Variants in DCAF7 observed in about 807,000 individuals in gnomAD.
DCAF7 encodes the protein DDB1 and CUL4 associated factor 7.
In DCAF7, 4 loss-of-function variants were observed where a neutral mutation model predicts 41.2. The observed-to-expected ratio is 0.10, with a 90% CI of 0.05 to 0.22. The LOEUF (loss-of-function observed/expected upper bound fraction) is 0.22. DCAF7 is among the 10% of genes least tolerant of loss of function. The pLI, the probability that DCAF7 is intolerant of heterozygous loss-of-function variation, is 1.00. For synonymous variants in DCAF7, 143 were observed against 164.2 expected (o/e 0.87, Z 0.99); for missense variants, 131 against 443.2 (o/e 0.30, Z 6.32).
chr17:63,565,346 G>A (rs1280395814), intron 1 of DCAF7, among the ~76,000 whole-genome samples: 1 of 152,058 alleles, frequency 6.6e-6, no homozygotes, highest in Non-Finnish European at 1.5e-5. Flanking sequence ...AGGCTGAGGT[G>A]GGCGGATCAC....
At chr17:63,578,444 T>C (rs776121945) in intron 1 of DCAF7, 26 bp from the exon 2 acceptor site, 152 of 1,613,724 alleles carry the variant, frequency 9.4e-5, no homozygotes, top group Non-Finnish European at 1.2e-4. Context: ...CAAATGCTTA[T>C]GTGGCTCAAC....
At chr17:63,557,021 G>C (rs9906882) in intron 1 of DCAF7, among the ~76,000 whole-genome samples, 46,932 of 151,916 alleles carry the variant, frequency 0.31, 8,780 homozygotes, top group African/African-American at 0.53. Flanking sequence ...GAGCGAGACC[G>C]CCATCTCAAA....
In DCAF7 at chr17:63,588,094, A is replaced by G. The variant is rs570073275; in HGVS notation, c.857-906A>G. Reference sequence around the variant, plus strand: ...CCATCTTAGTATTGCCATCATTCTCATTTTAATATATTTCCTTCTACTTAT... The same window carrying G: ...CCATCTTAGTATTGCCATCATTCTCGTTTTAATATATTTCCTTCTACTTAT... On this transcript the variant is annotated intron_variant, in intron 6 of 6. Coordinates refer to ENST00000614556, the MANE Select transcript of DCAF7 (RefSeq NM_005828.5). 3.6e-3 allele frequency among the ~76,000 whole-genome samples: 548 copies of G among 151,292 alleles called. 3 individuals carry two copies. Among genetic ancestry groups the G allele is most frequent in the Non-Finnish European group, 5.6e-3 (377 of 67,894 alleles).
intron 1 of DCAF7, among the ~76,000 whole-genome samples, chr17:63,571,532 TG>T (rs929771429): frequency 4.7e-5 from 7 of 150,288 alleles, no homozygotes; most frequent in East Asian, 1.9e-4. Flanking sequence ...TTTTTGTGTG[TG>T]GGGGGGCAGT....
rs1330395104 is a variant in DCAF7, at chr17:63,561,271, TAAA to T, written c.138+10460_138+10462del. Among the ~76,000 whole-genome samples, 3 of 151,668 alleles carry T rather than the reference TAAA, an allele frequency of 2.0e-5. No homozygotes were observed. The South Asian group carries it at 6.2e-4, about 32-fold the overall frequency. Reference sequence around the variant, plus strand: ...TAGAGCAAGACTCTATCTCAAAAAATAAAAAAGAAAAGTACAACCGACTAAGAA... The same window carrying T: ...TAGAGCAAGACTCTATCTCAAAAAATAAAGAAAAGTACAACCGACTAAGAA... On this transcript the variant is annotated intron_variant, in intron 1 of 6. Transcript: ENST00000614556.
At chr17:63,557,413 G>T (rs2033322366) in intron 1 of DCAF7, among the ~76,000 whole-genome samples, 1 of 152,044 alleles carries the variant, frequency 6.6e-6, no homozygotes, top group African/African-American at 2.4e-5. Flanking sequence ...GGACACTGAG[G>T]CAGGAGACTT....
intron 1 of DCAF7, among the ~76,000 whole-genome samples, chr17:63,572,816 G>A (rs937518651): frequency 1.3e-5 from 2 of 152,180 alleles, no homozygotes; most frequent in African/African-American, 4.8e-5. Flanking sequence ...AGGCTGCAGT[G>A]TGGTGGCATG....
chr17:63,582,754 C>T (rs2033637514), intron 4 of DCAF7, among the ~76,000 whole-genome samples: 1 of 152,238 alleles, frequency 6.6e-6, no homozygotes, highest in Non-Finnish European at 1.5e-5. Context: ...CAGGTGTAAT[C>T]CGCACCCGGC....
chr17:63,559,165 G>A (rs964538156), intron 1 of DCAF7, among the ~76,000 whole-genome samples: 2 of 151,070 alleles, frequency 1.3e-5, no homozygotes, highest in Non-Finnish European at 2.9e-5. Context: ...CGAAAAATTA[G>A]CCAGGCATGG....
At chr17:63,588,615 T>A (rs1161859338) in intron 6 of DCAF7, among the ~76,000 whole-genome samples, 3 of 152,154 alleles carry the variant, frequency 2.0e-5, no homozygotes, top group African/African-American at 7.2e-5. Context: ...TATTGAATGA[T>A]CAGAGAATGA....
At chr17:63,553,476 T>C (rs1231646577) in intron 1 of DCAF7, among the ~76,000 whole-genome samples, 1 of 152,182 alleles carries the variant, frequency 6.6e-6, no homozygotes, top group African/African-American at 2.4e-5. Context: ...GAGCAGCAAA[T>C]CCTGCCTTAA....
intron 2 of DCAF7, among the ~76,000 whole-genome samples, chr17:63,578,920 C>T (rs562945640): frequency 1.3e-3 from 196 of 152,320 alleles, no homozygotes; most frequent in African/African-American, 4.5e-3. Flanking sequence ...ATTCTGTTTG[C>T]AGCCAAGGTA....
chr17:63,550,857 G>C lies in DCAF7; in HGVS notation c.138+42G>C, dbSNP rs772126120. The stretch of plus-strand genomic sequence containing the variant: ...CTCGGAACCCAGCTGGCGGGGAGCG[G>C]GCCCCGGGAGCGCCCTTTCCGGGCC... On this transcript the variant is annotated intron_variant, in intron 1 of 6. Transcript: ENST00000614556. This position sits in a 1 kb window ranked among gnomAD's most constrained non-coding sequence, Gnocchi z 4.8. The C allele has an allele frequency of 6.3e-7, 1 of 1,594,652 alleles. No homozygotes were observed. Among genetic ancestry groups the C allele is most frequent in the African/African-American group, 1.3e-5 (1 of 74,574 alleles).
intron 6 of DCAF7, among the ~76,000 whole-genome samples, chr17:63,587,984 TAAAAAAAAA>T (rs750564406): frequency 8.5e-6 from 1 of 117,182 alleles, no homozygotes; most frequent in African/African-American, 3.1e-5. Context: ...AGACTCCATT[TAAAAAAAAA>T]AAAAAAAAAA....
chr17:63,587,432 C>T (rs1168416934), intron 6 of DCAF7, among the ~76,000 whole-genome samples: 1 of 152,108 alleles, frequency 6.6e-6, no homozygotes, highest in African/African-American at 2.4e-5. Flanking sequence ...GTAGAAGCCC[C>T]ATTTTCTGCT....
chr17:63,564,376 A>G (rs1463731779), intron 1 of DCAF7, among the ~76,000 whole-genome samples: 1 of 152,240 alleles, frequency 6.6e-6, no homozygotes, highest in Non-Finnish European at 1.5e-5. Context: ...TCTAAATTCT[A>G]GCACTCACCT....
chr17:63,580,540 C>CTTTTTTT (rs2033611493), intron 4 of DCAF7, among the ~76,000 whole-genome samples: 1 of 56,366 alleles, frequency 1.8e-5, no homozygotes, highest in Non-Finnish European at 3.2e-5. Context: ...TTTTTTGAGA[C>CTTTTTTT]AAAGTTTTCC....
chr17:63,562,277 A>G (rs1008713731), intron 1 of DCAF7, among the ~76,000 whole-genome samples: 6 of 152,198 alleles, frequency 3.9e-5, no homozygotes, highest in Non-Finnish European at 5.9e-5. Flanking sequence ...TTCACAGTGT[A>G]TGATGAAAAC....
intron 1 of DCAF7, among the ~76,000 whole-genome samples, chr17:63,558,020 C>T (rs966196272): frequency 1.3e-5 from 2 of 152,088 alleles, no homozygotes; most frequent in Non-Finnish European, 1.5e-5. Context: ...CTCTGCCTCC[C>T]GAGTAGCTGA....
Sources: gnomAD v4.1 joint callset for allele counts (sites outside exome capture counted in the v4.1 genomes callset) on GRCh38, gnomAD v4.1.1 for gene constraint, Gnocchi (gnomAD v3.1) non-coding constraint, MANE v1.5 for transcripts, NCBI Gene and HGNC (gene_info 2026-07-23, HGNC 2026-07-21) for gene names.